Variants in RAB38 observed in about 807,000 individuals in gnomAD.
The protein encoded by RAB38 is ras-related protein Rab-38.
A neutral mutation model predicts 18.4 loss-of-function variants in RAB38; 15 were observed. The observed-to-expected ratio is 0.82, with a 90% CI of 0.55 to 1.26. The LOEUF (loss-of-function observed/expected upper bound fraction) is 1.26. Ranked by LOEUF, RAB38 falls within the 50% of genes most tolerant of loss-of-function variation. The pLI is 0.00. For synonymous variants in RAB38, 101 were observed against 104.4 expected (o/e 0.97, Z 0.20); for missense variants, 294 against 267.4 (o/e 1.10, Z -0.69).
the RAB38 span, among the ~76,000 whole-genome samples, chr11:87,912,762 C>CCTTT: frequency 1.2e-5 from 1 of 86,566 alleles, no homozygotes; most frequent in East Asian, 3.8e-4. Flanking sequence ...AATTTTCTTT[C>CCTTT]TTTCTTTTTT....
At chr11:87,973,135 T>A in the RAB38 span, among the ~76,000 whole-genome samples, 1 of 151,984 alleles carries the variant, frequency 6.6e-6, no homozygotes, top group African/African-American at 2.4e-5. Context: ...CAGTCTCAGG[T>A]ATTTCTTTAT....
the RAB38 span, among the ~76,000 whole-genome samples, chr11:87,884,214 A>C: frequency 1.9e-3 from 293 of 152,078 alleles, no homozygotes; most frequent in African/African-American, 6.6e-3. Context: ...AAACCCCTAG[A>C]ATTAACATCT....
chr11:88,039,845 G>T, the RAB38 span, among the ~76,000 whole-genome samples: 1 of 152,170 alleles, frequency 6.6e-6, no homozygotes, highest in African/African-American at 2.4e-5. Context: ...TTTAAATGAA[G>T]GGAATGCTCG....
chr11:87,888,915 G>T, the RAB38 span, among the ~76,000 whole-genome samples: 1 of 151,920 alleles, frequency 6.6e-6, no homozygotes, highest in Non-Finnish European at 1.5e-5. Flanking sequence ...CTAGCAATTG[G>T]TGCTGTCTGC....
intron 1 of RAB38, among the ~76,000 whole-genome samples, chr11:88,156,158 A>G (rs1943122349): frequency 1.3e-5 from 2 of 152,212 alleles, no homozygotes; most frequent in Admixed American, 6.5e-5. Context: ...AGACATTTAG[A>G]TACAAAAAAA....
the RAB38 span, among the ~76,000 whole-genome samples, chr11:87,891,440 C>A: frequency 6.6e-6 from 1 of 151,744 alleles, no homozygotes. Context: ...ATTGATCAGT[C>A]AGATTTTGTG....
chr11:88,094,162 A>T, the RAB38 span, among the ~76,000 whole-genome samples: 748 of 152,016 alleles, frequency 4.9e-3, 5 homozygotes, highest in African/African-American at 0.017. Flanking sequence ...CATACGCACA[A>T]CATCAGTAGT....
the RAB38 span, among the ~76,000 whole-genome samples, chr11:87,924,231 A>G: frequency 6.6e-6 from 1 of 152,020 alleles, no homozygotes; most frequent in African/African-American, 2.4e-5. Context: ...ATTTGAACTC[A>G]AAATGCACAT....
the RAB38 span, among the ~76,000 whole-genome samples, chr11:87,942,987 G>A: frequency 5.9e-5 from 9 of 152,070 alleles, no homozygotes; most frequent in East Asian, 3.9e-4. Flanking sequence ...GTCCAATAGC[G>A]GGGCTCTAAA....
the RAB38 span, among the ~76,000 whole-genome samples, chr11:87,926,508 G>GT: frequency 1.5e-5 from 2 of 131,314 alleles, no homozygotes; most frequent in African/African-American, 3.1e-5. Flanking sequence ...TCAAATGGTG[G>GT]TTTTTTTGTT....
At chr11:87,899,156 G>A in the RAB38 span, among the ~76,000 whole-genome samples, 1 of 151,590 alleles carries the variant, frequency 6.6e-6, no homozygotes, top group Non-Finnish European at 1.5e-5. Flanking sequence ...GTAAAGCTGT[G>A]TATCTACTTA....
chr11:88,070,083 TTC>T, the RAB38 span, among the ~76,000 whole-genome samples: 2 of 152,146 alleles, frequency 1.3e-5, no homozygotes, highest in African/African-American at 4.8e-5. Context: ...GGAAGCTTTG[TTC>T]TTTTGCTCTT....
the RAB38 span, among the ~76,000 whole-genome samples, chr11:88,058,540 A>G: frequency 6.6e-6 from 1 of 152,216 alleles, no homozygotes; most frequent in Non-Finnish European, 1.5e-5. Flanking sequence ...ACCTTCTCTA[A>G]GAAGTGAGGT....
chr11:88,127,493 G>A (rs903497046), intron 2 of RAB38, among the ~76,000 whole-genome samples: 2 of 152,140 alleles, frequency 1.3e-5, no homozygotes, highest in African/African-American at 2.4e-5. Flanking sequence ...AATAGTGGTG[G>A]TATAAGTGGG....
At chr11:87,839,496 T>C in the RAB38 span, among the ~76,000 whole-genome samples, 1 of 152,184 alleles carries the variant, frequency 6.6e-6, no homozygotes, top group African/African-American at 2.4e-5. Flanking sequence ...TTCAGTGACA[T>C]AGGATCAACA....
chr11:88,112,508 G>A (rs1319472144), downstream of RAB38, among the ~76,000 whole-genome samples: 1 of 152,162 alleles, frequency 6.6e-6, no homozygotes, highest in Non-Finnish European at 1.5e-5. Flanking sequence ...TCAGGATCCT[G>A]CAGAGTTGTA....
At chr11:87,977,949 T>C in the RAB38 span, among the ~76,000 whole-genome samples, 1 of 113,104 alleles carries the variant, frequency 8.8e-6, no homozygotes, top group African/African-American at 3.6e-5. Flanking sequence ...AATATATTAA[T>C]ATAATATATA....
At chr11:87,878,971 A>ATTTTT in the RAB38 span, among the ~76,000 whole-genome samples, 12 of 133,776 alleles carry the variant, frequency 9.0e-5, no homozygotes, top group Non-Finnish European at 7.9e-5. Context: ...GCAATTACTG[A>ATTTTT]TTTTTTTTTT....
chr11:88,132,712 G>T (rs1483143515), intron 2 of RAB38, among the ~76,000 whole-genome samples: 1 of 152,104 alleles, frequency 6.6e-6, no homozygotes, highest in Non-Finnish European at 1.5e-5. Flanking sequence ...ACCTGCCTTG[G>T]CCTCCCAAAG....
Sources: allele counts gnomAD v4.1 joint callset (sites outside exome capture counted in the v4.1 genomes callset), GRCh38; gene constraint gnomAD v4.1.1; transcripts MANE v1.5; gene names NCBI Gene and HGNC (gene_info 2026-07-23, HGNC 2026-07-21).